ZSCAN16: variants seen among roughly 807,000 people sequenced by gnomAD.
ZSCAN16 encodes the protein zinc finger and SCAN domain-containing protein 16.
In ZSCAN16, 15 loss-of-function variants were observed where a neutral mutation model predicts 19.4. The observed-to-expected ratio is 0.77, with a 90% CI of 0.52 to 1.19. The LOEUF (loss-of-function observed/expected upper bound fraction) is 1.19, where lower values mean the gene tolerates loss of function less well. Among genes scored for constraint, ZSCAN16 ranks in the 50% most tolerant of loss-of-function variants. ZSCAN16 has a pLI of 0.00. For missense variants in ZSCAN16, 327 were observed against 415.7 expected, an observed-to-expected ratio of 0.79 and a Z score of 1.86; for synonymous variants, 138 against 146.5, an observed-to-expected ratio of 0.94 and a Z score of 0.42.
In ZSCAN16 at chr6:28,129,623, AT is replaced by A; in HGVS notation, c.721del (p.Cys241ValfsTer49). On this transcript the variant is annotated frameshift_variant, in exon 4 of 4. Transcript: ENST00000340487. LOFTEE classifies it low-confidence loss of function (END_TRUNC). ...RERRRYKCDE[C>X]GKSFSHSSDL... is the part of the protein sequence containing the mutation. Reference sequence around the variant, plus strand: ...AAAGAAGACGATATAAATGTGATGAATGTGGGAAAAGTTTCAGTCATAGCTC... The same window carrying A: ...AAAGAAGACGATATAAATGTGATGAAGTGGGAAAAGTTTCAGTCATAGCTC... The A allele has an allele frequency of 6.2e-7, 1 of 1,614,226 alleles. No individual in the cohort carries two copies. The highest frequency in any genetic ancestry group is 8.5e-7 in the Non-Finnish European group (1 of 1,180,030).
Position 28,129,437 on chromosome 6 carries a change from A to C in ZSCAN16, c.534A>C (p.Lys178Asn). The C allele has an allele frequency of 6.2e-7, 1 of 1,605,854 alleles. No individual in the cohort carries two copies. Among genetic ancestry groups the C allele is most frequent in the South Asian group, 1.1e-5 (1 of 89,672 alleles). The change falls in exon 4 of 4, where the codon AAA (lysine) becomes AAC (asparagine). Residue 178 changes from lysine to asparagine, a missense_variant. Physicochemically the swap from Lys to Asn is moderately conservative, Grantham distance 94 (BLOSUM62 0). Coordinates refer to ENST00000340487, the MANE Select transcript of ZSCAN16 (RefSeq NM_025231.3). ...ACTGTTTGTTTGTTACAGGTGATAA[A>C]ACTAGGACTAAGAATGAAGAGTTGT... is the stretch of plus-strand genomic sequence containing the variant. The part of the protein sequence containing the change: ...EAGKPQRNGD[K>N]TRTKNEELFQ...
At chr6:28,126,705 A>C in intron 2 of ZSCAN16, 78 bp from the exon 3 acceptor site, 1 of 1,187,928 alleles carries the variant, frequency 8.4e-7, no homozygotes, top group Non-Finnish European at 1.1e-6. Flanking sequence ...TGTCCCTGGA[A>C]GATGTTTCAT....
intron 1 of ZSCAN16, among the ~76,000 whole-genome samples, chr6:28,124,893 A>G (rs1444389255): frequency 1.3e-5 from 2 of 152,228 alleles, no homozygotes; most frequent in Non-Finnish European, 2.9e-5. Flanking sequence ...CTGCAGAGGC[A>G]TCTGTCTGAT....
chr6:28,129,925 T>C lies in ZSCAN16; in HGVS notation c.1022T>C (p.Ile341Thr). 4 of 1,595,328 alleles carry C rather than the reference T, an allele frequency of 2.5e-6. No homozygotes were observed. Among genetic ancestry groups the C allele is most frequent in the Non-Finnish European group, 3.4e-6 (4 of 1,171,920 alleles). The part of the protein sequence containing the change: ...VSSALIRHQR[I>T]HTANKLY Reference sequence around the variant, plus strand: ...TCAGCTCTTATTAGACATCAAAGAATTCATACCGCAAATAAACTCTACTAA... The same window carrying C: ...TCAGCTCTTATTAGACATCAAAGAACTCATACCGCAAATAAACTCTACTAA... Residue 341 changes from isoleucine (I) to threonine (T), a missense_variant, in exon 4 of 4, where the codon ATT (isoleucine) becomes ACT (threonine). By Grantham distance (89) the Ile-to-Thr change is moderately conservative. Transcript: ENST00000340487.
At chr6:28,126,046 T>C (rs1411580136) in intron 2 of ZSCAN16, among the ~76,000 whole-genome samples, 1 of 152,132 alleles carries the variant, frequency 6.6e-6, no homozygotes, top group African/African-American at 2.4e-5. Context: ...CTAGGATCAG[T>C]GGGAAGTTAC....
At chr6:28,124,850 T>G (rs1458103338) in intron 1 of ZSCAN16, among the ~76,000 whole-genome samples, 173 bp downstream of exon 1, 1 of 152,004 alleles carries the variant, frequency 6.6e-6, no homozygotes, top group Non-Finnish European at 1.5e-5. Flanking sequence ...CGGGAGAGGA[T>G]GGGTGGAAGG....
chr6:28,125,733 T>G lies in ZSCAN16; in HGVS notation c.290T>G (p.Leu97Arg). Residue 97 changes from leucine (L) to arginine (R), a missense_variant, in exon 2 of 4, where the codon CTG (leucine) becomes CGG (arginine). Coordinates refer to ENST00000340487, the MANE Select transcript of ZSCAN16 (RefSeq NM_025231.3). The surrounding 1 kb of genome is among the most constrained non-coding windows in gnomAD (Gnocchi z 6.2). ...TTCCTGAGCATTCTTCCTAAAGACC[T>G]GCAAGCATGGGTGCGTGCACACCAT... Reference protein sequence around the residue: ...EQFLSILPKDLQAWVRAHHPE... With the variant: ...EQFLSILPKDRQAWVRAHHPE... 6.2e-7 allele frequency: 1 copy of G among 1,614,172 alleles called. No homozygotes were observed. The highest frequency in any genetic ancestry group is 8.5e-7 in the Non-Finnish European group (1 of 1,180,030).
At chr6:28,127,157 T>G (rs1381144412) in intron 3 of ZSCAN16, among the ~76,000 whole-genome samples, 1 of 152,212 alleles carries the variant, frequency 6.6e-6, no homozygotes, top group Non-Finnish European at 1.5e-5. Context: ...TTTAATATCC[T>G]TATAATTCTG....
Position 28,129,862 on chromosome 6 carries a change from A to G in ZSCAN16, c.959A>G (p.Tyr320Cys), listed in dbSNP as rs1234298047. The G allele has an allele frequency of 1.2e-6, 2 of 1,614,194 alleles. No individual in the cohort carries two copies. Among genetic ancestry groups the G allele is most frequent in the East Asian group, 4.5e-5 (2 of 44,882 alleles). ...HQRIHTGEKP[Y>C]ECDECGRPFR... ...AGAATCCACACAGGTGAAAAACCCT[A>G]TGAATGTGATGAGTGTGGAAGGCCT... The change falls in exon 4 of 4, where the codon TAT becomes TGT. Residue 320 changes from tyrosine (Y) to cysteine (C), a missense_variant. Physicochemically the swap from Tyr to Cys is radical, Grantham distance 194. Coordinates refer to ENST00000340487, the MANE Select transcript of ZSCAN16 (RefSeq NM_025231.3).
intron 2 of ZSCAN16, among the ~76,000 whole-genome samples, 193 bp downstream of exon 2, chr6:28,126,023 C>A (rs892248239): frequency 1.3e-5 from 2 of 152,104 alleles, no homozygotes; most frequent in African/African-American, 4.8e-5. Context: ...TGATTCTATG[C>A]CTGTTTGGAA....
In ZSCAN16 at chr6:28,129,809, T is replaced by G; in HGVS notation, c.906T>G (p.Ser302Arg). 6.2e-7 allele frequency: 1 copy of G among 1,614,194 alleles called. No individual in the cohort carries two copies. Among genetic ancestry groups the G allele is most frequent in the African/African-American group, 1.3e-5 (1 of 75,064 alleles). Residue 302 changes from serine (S) to arginine (R), a missense_variant, in exon 4 of 4, where the codon AGT becomes AGG. Physicochemically the swap from Ser to Arg is moderately radical, Grantham distance 110. Coordinates refer to ENST00000340487, the MANE Select transcript of ZSCAN16 (RefSeq NM_025231.3). ...GTAAAGAATGTGGGAAAGACTTCAG[T>G]GGGCGCACAGGTCTTATTCAGCATC... ...YKCKECGKDF[S>R]GRTGLIQHQR...
At chr6:28,127,577 G>A (rs9468292) in intron 3 of ZSCAN16, among the ~76,000 whole-genome samples, 35,682 of 152,116 alleles carry the variant, frequency 0.23, 4,358 homozygotes, top group African/African-American at 0.3. Context: ...GGGCTTCAAT[G>A]TATGAATTTG....
chr6:28,125,777 GC>G lies in ZSCAN16; in HGVS notation c.335del (p.Ala112GlufsTer2). On this transcript the variant is annotated frameshift_variant, in exon 2 of 4. Transcript: ENST00000340487. LOFTEE classifies it high-confidence loss of function. This position sits in a 1 kb window ranked among gnomAD's most constrained non-coding sequence, Gnocchi z 6.2. ...ACACCATCCAGAGACTGGAGAGGAG[GC>G]AGTGACGGTACTGGAGGATCTGGAG... Reference protein sequence around the residue: ...RAHHPETGEEAVTVLEDLERE... With the variant: ...RAHHPETGEEXVTVLEDLERE... 6.2e-7 allele frequency: 1 copy of G among 1,613,956 alleles called. No homozygotes were observed. Among genetic ancestry groups the G allele is most frequent in the Non-Finnish European group, 8.5e-7 (1 of 1,179,910 alleles).
chr6:28,125,491 T>C lies in ZSCAN16; in HGVS notation c.48T>C (p.Ile16=). 1 of 1,614,120 alleles carries C rather than the reference T, an allele frequency of 6.2e-7. No individual in the cohort carries two copies. Among genetic ancestry groups the C allele is most frequent in the Non-Finnish European group, 8.5e-7 (1 of 1,180,018 alleles). The change falls in exon 2 of 4, where the codon ATT becomes ATC. Residue 16 remains isoleucine, a synonymous_variant. Transcript: ENST00000340487. The surrounding 1 kb of genome is among the most constrained non-coding windows in gnomAD (Gnocchi z 6.2). ...EPEDQKGLLI[I]KAEDHYWGQD... is the part of the protein sequence containing the mutation. ...AGGACCAAAAAGGACTTCTGATAAT[T>C]AAGGCAGAGGACCATTACTGGGGAC...
chr6:28,125,674 G>A lies in ZSCAN16; in HGVS notation c.231G>A (p.Lys77=), dbSNP rs1322408080. ...RQWLRPECHT[K]EQILDLLVLE... The stretch of plus-strand genomic sequence containing the variant: ...GGCTGAGGCCAGAATGCCACACCAA[G>A]GAGCAGATTTTAGACCTGCTGGTGC... The change falls in exon 2 of 4, where the codon AAG becomes AAA. Residue 77 remains lysine, a synonymous_variant. Coordinates refer to ENST00000340487, the MANE Select transcript of ZSCAN16 (RefSeq NM_025231.3). The surrounding 1 kb of genome is among the most constrained non-coding windows in gnomAD (Gnocchi z 6.2). 1 of 1,614,232 alleles carries A rather than the reference G, an allele frequency of 6.2e-7. No homozygotes were observed. Among genetic ancestry groups the A allele is most frequent in the South Asian group, 1.1e-5 (1 of 91,090 alleles).
At chr6:28,129,398 G>A in intron 3 of ZSCAN16, 32 bp from the exon 4 acceptor site, 2 of 1,555,702 alleles carry the variant, frequency 1.3e-6, no homozygotes, top group Non-Finnish European at 1.7e-6. Flanking sequence ...ACATAGAATA[G>A]GACCCGTTTG....
rs1764917019 is a variant in ZSCAN16, at chr6:28,126,775, T to A, written c.388-8T>A. On this transcript the variant is annotated splice_region_variant and splice_polypyrimidine_tract_variant and intron_variant, in intron 2 of 3. Coordinates refer to ENST00000340487, the MANE Select transcript of ZSCAN16 (RefSeq NM_025231.3). ...TAAAATTCACCTTACACACCTCATT[T>A]TCCCTAGGTCCCAGGCAATTCAGAA... The A allele has an allele frequency of 7.0e-7, 1 of 1,428,182 alleles. No individual in the cohort carries two copies. The highest frequency in any genetic ancestry group is 2.3e-5 in the Admixed American group (1 of 42,738). 88.5% of individuals were successfully genotyped at this position (1,428,182 alleles called of 1,614,324 possible).
intron 3 of ZSCAN16, among the ~76,000 whole-genome samples, chr6:28,129,139 AT>A (rs1314162438): frequency 6.6e-6 from 1 of 152,108 alleles, no homozygotes; most frequent in Non-Finnish European, 1.5e-5. Context: ...CTTACATAGT[AT>A]TGCTAACTTA....
Position 28,129,867 on chromosome 6 carries a change from T to C in ZSCAN16, c.964T>C (p.Cys322Arg). Reference sequence around the variant, plus strand: ...CCACACAGGTGAAAAACCCTATGAATGTGATGAGTGTGGAAGGCCTTTCCG... The same window carrying C: ...CCACACAGGTGAAAAACCCTATGAACGTGATGAGTGTGGAAGGCCTTTCCG... ...RIHTGEKPYE[C>R]DECGRPFRVS... The change falls in exon 4 of 4, where the codon TGT becomes CGT. Residue 322 changes from cysteine to arginine, a missense_variant. Physicochemically the swap from Cys to Arg is radical, Grantham distance 180. Transcript: ENST00000340487. 1.2e-6 allele frequency: 2 copies of C among 1,614,146 alleles called. No homozygotes were observed. Among genetic ancestry groups the C allele is most frequent in the Non-Finnish European group, 1.7e-6 (2 of 1,180,006 alleles).
Sources: gnomAD v4.1 joint callset for allele counts (sites outside exome capture counted in the v4.1 genomes callset) on GRCh38, gnomAD v4.1.1 for gene constraint, Gnocchi (gnomAD v3.1) non-coding constraint, MANE v1.5 for transcripts, NCBI Gene and HGNC (gene_info 2026-07-23, HGNC 2026-07-21) for gene names.